ARHGEF10L: variants seen among roughly 807,000 people sequenced by gnomAD.
The protein encoded by ARHGEF10L is Rho guanine nucleotide exchange factor 10 like, also known as rho guanine nucleotide exchange factor 10-like protein.
ARHGEF10L carries 69 observed loss-of-function variants against 141.2 expected under a neutral mutation model. The observed-to-expected ratio is 0.49, with a 90% CI of 0.40 to 0.60. The LOEUF is 0.60. Among genes scored for constraint, ARHGEF10L ranks in the 20% least tolerant of loss-of-function variants. ARHGEF10L has a pLI of 0.00. For missense variants in ARHGEF10L, 1,482 were observed against 1,734.3 expected (o/e 0.85, Z 2.58); for synonymous variants, 711 against 718.5 (o/e 0.99, Z 0.17).
Position 17,633,631 on chromosome 1 carries a change from C to T in ARHGEF10L, c.1731-917C>T, listed in dbSNP as rs540590342. On this transcript the variant is annotated intron_variant, in intron 16 of 28. Transcript: ENST00000361221. The stretch of plus-strand genomic sequence containing the variant: ...CCTCCCAAAGTGCTGGGATTACAGG[C>T]GTAAGCCACCGTGCCCCACCTCGAC... 6.0e-3 allele frequency among the ~76,000 whole-genome samples: 916 copies of T among 152,242 alleles called. 10 individuals carry two copies. The highest frequency in any genetic ancestry group is 9.3e-3 in the Non-Finnish European group (630 of 68,016).
At chr1:17,694,936 G>A (rs753788003) in intron 27 of ARHGEF10L, 14 of 705,384 alleles carry the variant, frequency 2.0e-5, no homozygotes, top group South Asian at 8.8e-5. Flanking sequence ...TTACACAGGC[G>A]GAAACTGAGG....
rs145574291 is a variant in ARHGEF10L at position 17,587,535 on chromosome 1, A to G, written c.113A>G (p.Asp38Gly). The G allele has an allele frequency of 7.4e-6, 12 of 1,614,052 alleles. No homozygotes were observed. The African/African-American group carries it at 1.6e-4, about 22-fold the overall frequency. ...EDDPGEAFEF[D>G]DSDDEEDTSA... ...GACCCAGGAGAGGCGTTTGAGTTTG[A>G]TGACAGTGATGATGAAGAGGACACC... is the stretch of plus-strand genomic sequence containing the variant. Residue 38 changes from aspartate to glycine, a missense_variant, in exon 3 of 29, where the codon GAT becomes GGT. By Grantham distance (94) the Asp-to-Gly change is moderately conservative. Coordinates refer to ENST00000361221, the MANE Select transcript of ARHGEF10L (RefSeq NM_018125.4).
At chr1:17,590,469 A>C (rs952660078) in intron 4 of ARHGEF10L, among the ~76,000 whole-genome samples, 3 of 152,138 alleles carry the variant, frequency 2.0e-5, no homozygotes, top group African/African-American at 7.2e-5. Context: ...CCCAACACAG[A>C]GATCTTGTGA....
chr1:17,689,878 G>A (rs1188905231), intron 27 of ARHGEF10L: 2 of 455,854 alleles, frequency 4.4e-6, no homozygotes, highest in African/African-American at 4.0e-5. Flanking sequence ...CAGGATGTGT[G>A]GACAGACCTG....
At chr1:17,617,096 G>A (rs1187527776) in intron 9 of ARHGEF10L, among the ~76,000 whole-genome samples, 1 of 152,212 alleles carries the variant, frequency 6.6e-6, no homozygotes, top group Admixed American at 6.5e-5. Context: ...GGAGGCCTCA[G>A]GTGGCGGAAG....
intron 11 of ARHGEF10L, 26 bp from the exon 12 acceptor site, chr1:17,622,970 C>T (rs748824575): frequency 3.3e-5 from 53 of 1,597,838 alleles, no homozygotes; most frequent in South Asian, 1.2e-4. Context: ...GCCTGGCCTG[C>T]GGCCTCACCC....
intron 7 of ARHGEF10L, among the ~76,000 whole-genome samples, chr1:17,610,012 G>A (rs1450193247): frequency 1.3e-5 from 2 of 152,186 alleles, no homozygotes; most frequent in African/African-American, 4.8e-5. Flanking sequence ...CTCAGCCTCT[G>A]GCGTTCCTCC....
At chr1:17,682,582 G>A (rs2064209606) in intron 26 of ARHGEF10L, among the ~76,000 whole-genome samples, 1 of 152,212 alleles carries the variant, frequency 6.6e-6, no homozygotes, top group East Asian at 1.9e-4. Context: ...ACTGGTGCAG[G>A]CTGGTTGTAG....
intron 1 of ARHGEF10L, among the ~76,000 whole-genome samples, chr1:17,549,786 A>G (rs1162400279): frequency 6.6e-6 from 1 of 152,074 alleles, no homozygotes; most frequent in Non-Finnish European, 1.5e-5. Flanking sequence ...GCTAGTAAAA[A>G]CTCTGTTAAG....
At chr1:17,515,230 G>T in the ARHGEF10L span, among the ~76,000 whole-genome samples, 13 of 151,882 alleles carry the variant, frequency 8.6e-5, no homozygotes, top group Non-Finnish European at 1.8e-4. Flanking sequence ...GGGTGCTCCT[G>T]GCATCTTGTA....
intron 26 of ARHGEF10L, among the ~76,000 whole-genome samples, chr1:17,676,750 C>T (rs1558009858): frequency 6.6e-6 from 1 of 152,042 alleles, no homozygotes; most frequent in Non-Finnish European, 1.5e-5. Flanking sequence ...GGTTCCCCTT[C>T]TCCAGCCACT....
At position 17,640,247 on chromosome 1, in the gene ARHGEF10L, C is replaced by T; in HGVS notation, c.2217C>T (p.Asn739=). ...TCATGGTGGTTTTCATCACCCCCAA[C>T]CCCCTGAGCAAGATTTCCTGGGTCA... ...ISFMVVFITP[N]PLSKISWVNR... The change falls in exon 21 of 29, where the codon AAC becomes AAT. Residue 739 remains asparagine (N), a synonymous_variant. Coordinates refer to ENST00000361221, the MANE Select transcript of ARHGEF10L (RefSeq NM_018125.4). The T allele has an allele frequency of 6.2e-7, 1 of 1,613,408 alleles. No individual in the cohort carries two copies. Among genetic ancestry groups the T allele is most frequent in the Non-Finnish European group, 8.5e-7 (1 of 1,179,786 alleles).
chr1:17,686,607 C>A (rs144699185), intron 26 of ARHGEF10L, among the ~76,000 whole-genome samples: 1 of 152,032 alleles, frequency 6.6e-6, no homozygotes, highest in East Asian at 1.9e-4. Flanking sequence ...GGGGGCAGTG[C>A]GTGCTGTGTG....
At chr1:17,548,353 C>T (rs1467164101) in intron 1 of ARHGEF10L, among the ~76,000 whole-genome samples, 3 of 152,060 alleles carry the variant, frequency 2.0e-5, no homozygotes, top group Non-Finnish European at 4.4e-5. Context: ...GCTTACGTAA[C>T]ATTTTAACAA....
intron 1 of ARHGEF10L, among the ~76,000 whole-genome samples, chr1:17,545,035 T>C (rs2076868841): frequency 6.6e-6 from 1 of 152,140 alleles, no homozygotes; most frequent in African/African-American, 2.4e-5. Flanking sequence ...GCAGGGATTA[T>C]GGGAGCTACA....
At chr1:17,547,768 C>T (rs1447194787) in intron 1 of ARHGEF10L, among the ~76,000 whole-genome samples, 1 of 152,124 alleles carries the variant, frequency 6.6e-6, no homozygotes, top group Non-Finnish European at 1.5e-5. Context: ...AGAGAAAATA[C>T]AGAGAGAAGA....
At chr1:17,634,202 G>T in intron 16 of ARHGEF10L, 1 of 432,528 alleles carries the variant, frequency 2.3e-6, no homozygotes, top group Non-Finnish European at 4.1e-6. Context: ...TACCCTCTCT[G>T]CCTTCATGTT....
intron 26 of ARHGEF10L, among the ~76,000 whole-genome samples, chr1:17,672,823 T>C (rs560656450): frequency 6.2e-4 from 94 of 152,026 alleles, no homozygotes; most frequent in Admixed American, 9.8e-4. Context: ...TGGGACCCCA[T>C]AGGGCCTTCT....
chr1:17,549,714 G>A (rs1219862952), intron 1 of ARHGEF10L, among the ~76,000 whole-genome samples: 26 of 151,064 alleles, frequency 1.7e-4, no homozygotes, highest in Admixed American at 1.7e-3. Flanking sequence ...GGAAACCATC[G>A]GAGGTTTGTT....
Sources: allele counts gnomAD v4.1 joint callset (sites outside exome capture counted in the v4.1 genomes callset), GRCh38; gene constraint gnomAD v4.1.1; transcripts MANE v1.5; gene names NCBI Gene and HGNC (gene_info 2026-07-23, HGNC 2026-07-21).